The following C8orf34 variants were observed in gnomAD, a reference collection of about 807,000 sequenced individuals.
C8orf34 encodes chromosome 8 open reading frame 34.
A neutral mutation model predicts 68.3 loss-of-function variants in C8orf34; 65 were observed. The ratio of observed to expected loss-of-function variants is 0.95; its 90% CI spans 0.78 to 1.17. The LOEUF is 1.17. C8orf34 is among the 50% of genes most tolerant of loss of function. C8orf34 has a pLI of 0.00. For missense variants in C8orf34, 664 were observed against 655.4 expected, an observed-to-expected ratio of 1.01 and a Z score of -0.14; for synonymous variants, 244 against 241.2, an observed-to-expected ratio of 1.01 and a Z score of -0.11.
intron 8 of C8orf34, among the ~76,000 whole-genome samples, chr8:68,661,045 A>T (rs1181130478): frequency 6.6e-6 from 1 of 152,150 alleles, no homozygotes; most frequent in East Asian, 1.9e-4. Flanking sequence ...GGGGGAGGAA[A>T]GACTCTGGGC....
chr8:68,556,862 T>A lies in C8orf34; in HGVS notation c.1105+23713T>A, dbSNP rs1816272688. On this transcript the variant is annotated intron_variant, in intron 7 of 13. Transcript: ENST00000518698. Reference sequence around the variant, plus strand: ...TTTAACAGCTAACACAAATGTTGATTCTAGTAGCCATATATACTCCCTTTT... The same window carrying A: ...TTTAACAGCTAACACAAATGTTGATACTAGTAGCCATATATACTCCCTTTT... Among the ~76,000 whole-genome samples, 3 of 152,318 alleles carry A rather than the reference T, an allele frequency of 2.0e-5. No homozygotes were observed. In the South Asian group the frequency reaches 6.2e-4, roughly 32 times the overall value.
intron 3 of C8orf34, among the ~76,000 whole-genome samples, chr8:68,466,174 C>T (rs1224529989): frequency 6.6e-6 from 1 of 151,852 alleles, no homozygotes; most frequent in South Asian, 2.1e-4. Context: ...GCCAATAAAA[C>T]TAATCACATG....
Position 68,771,282 on chromosome 8 carries a change from T to C in C8orf34, c.1405-5117T>C, listed in dbSNP as rs1386590034. Among the ~76,000 whole-genome samples the C allele has an allele frequency of 2.6e-5, 4 of 152,218 alleles. No homozygotes were observed. The East Asian group carries it at 5.8e-4, about 22-fold the overall frequency. ...TGTTCTTTTGGACATGAATAGTAGT[T>C]GCTGCCTATAGAGGTTGTCGAGTTC... On this transcript the variant is annotated intron_variant, in intron 10 of 13. Transcript: ENST00000518698.
At chr8:68,562,822 T>TTAA (rs576595832) in intron 7 of C8orf34, among the ~76,000 whole-genome samples, 69 of 152,360 alleles carry the variant, frequency 4.5e-4, no homozygotes, top group African/African-American at 5.8e-4. Context: ...GCTATTTTTA[T>TTAA]ACCCAGTAAT....
intron 7 of C8orf34, among the ~76,000 whole-genome samples, chr8:68,568,625 G>T (rs936791336): frequency 2.0e-5 from 3 of 151,868 alleles, no homozygotes; most frequent in Admixed American, 6.6e-5. Flanking sequence ...ACTTATAGAT[G>T]ACTAATATAT....
chr8:68,452,904 C>CATAA (rs1811403674), intron 3 of C8orf34, among the ~76,000 whole-genome samples: 1 of 151,628 alleles, frequency 6.6e-6, no homozygotes, highest in Non-Finnish European at 1.5e-5. Flanking sequence ...TATGCTCTTA[C>CATAA]ATGTGGGTAG....
chr8:68,783,523 C>CAAAA (rs775189886), intron 11 of C8orf34, among the ~76,000 whole-genome samples: 5 of 53,722 alleles, frequency 9.3e-5, no homozygotes, highest in East Asian at 4.1e-4. Context: ...GACTTCATCT[C>CAAAA]AAAAAAAAAA....
At chr8:68,657,022 C>A (rs1035963884) in intron 8 of C8orf34, among the ~76,000 whole-genome samples, 1 of 152,110 alleles carries the variant, frequency 6.6e-6, no homozygotes, top group Non-Finnish European at 1.5e-5. Flanking sequence ...TATTTTTTAT[C>A]TTCTGCCCTG....
chr8:68,780,798 G>A (rs776197309), intron 11 of C8orf34, among the ~76,000 whole-genome samples: 96 of 152,170 alleles, frequency 6.3e-4, no homozygotes, highest in Admixed American at 5.0e-3. Flanking sequence ...TGGATAGTAT[G>A]AACCATTTCA....
chr8:68,771,137 AAAC>A, intron 10 of C8orf34, among the ~76,000 whole-genome samples: 1 of 152,336 alleles, frequency 6.6e-6, no homozygotes, highest in South Asian at 2.1e-4. Flanking sequence ...GTAGGTCTGA[AAAC>A]AAACATAACA....
At chr8:68,484,644 A>G (rs2129631294) in intron 4 of C8orf34, among the ~76,000 whole-genome samples, 1 of 152,342 alleles carries the variant, frequency 6.6e-6, no homozygotes. Flanking sequence ...ATCTCTTCTC[A>G]GGGAATAGCT....
intron 8 of C8orf34, among the ~76,000 whole-genome samples, chr8:68,643,894 C>T (rs774893265): frequency 4.6e-5 from 7 of 152,156 alleles, no homozygotes; most frequent in Admixed American, 6.5e-5. Context: ...TCTGGAAATA[C>T]TTCACAGTAG....
chr8:68,676,711 T>C (rs1820202234), intron 8 of C8orf34, among the ~76,000 whole-genome samples: 4 of 152,216 alleles, frequency 2.6e-5, no homozygotes. Flanking sequence ...AAGTATCTTC[T>C]CTGACTTTGT....
At chr8:68,444,867 A>G (rs971751346) in intron 2 of C8orf34, among the ~76,000 whole-genome samples, 2 of 152,162 alleles carry the variant, frequency 1.3e-5, no homozygotes, top group African/African-American at 2.4e-5. Context: ...AAGAGATGCT[A>G]TATTTTATGA....
chr8:68,439,234 G>C (rs1383289106), intron 1 of C8orf34: 2 of 268,488 alleles, frequency 7.4e-6, no homozygotes, highest in Non-Finnish European at 1.4e-5. Flanking sequence ...TGTTGGCTAA[G>C]TATAATACAA....
chr8:68,577,273 A>G (rs1437798045), intron 7 of C8orf34, among the ~76,000 whole-genome samples: 1 of 152,004 alleles, frequency 6.6e-6, no homozygotes, highest in Non-Finnish European at 1.5e-5. Context: ...TGATTCATAC[A>G]TATATTCAAT....
intron 11 of C8orf34, among the ~76,000 whole-genome samples, chr8:68,786,285 T>C (rs891857225): frequency 2.0e-5 from 3 of 152,140 alleles, no homozygotes; most frequent in Admixed American, 2.0e-4. Flanking sequence ...TCTCCTTCCT[T>C]TTTACCCTTC....
intron 1 of C8orf34, 54 bp downstream of exon 1, chr8:68,331,393 T>A: frequency 6.6e-7 from 1 of 1,504,130 alleles, no homozygotes; most frequent in Non-Finnish European, 8.9e-7. Flanking sequence ...AGGGGTGCAG[T>A]AATGAAAACA....
At chr8:68,404,341 G>T (rs910562193) in intron 1 of C8orf34, among the ~76,000 whole-genome samples, 50 of 152,216 alleles carry the variant, frequency 3.3e-4, no homozygotes, top group African/African-American at 1.1e-3. Flanking sequence ...TCACTCTGAT[G>T]ATAGTTTCTT....
Sources: allele counts gnomAD v4.1 joint callset (sites outside exome capture counted in the v4.1 genomes callset), GRCh38; gene constraint gnomAD v4.1.1; transcripts MANE v1.5; gene names NCBI Gene and HGNC (gene_info 2026-07-23, HGNC 2026-07-21).